The following LSAMP variants were observed in gnomAD, a reference collection of about 807,000 sequenced individuals.
LSAMP encodes limbic system-associated membrane protein.
A neutral mutation model predicts 38.6 loss-of-function variants in LSAMP; 7 were observed. The observed-to-expected ratio is 0.18, with a 90% confidence interval of 0.10 to 0.34. LSAMP has a LOEUF of 0.34. Among genes scored for constraint, LSAMP ranks in the 10% least tolerant of loss-of-function variants. The pLI is 1.00. For missense variants in LSAMP, 313 were observed against 420.0 expected (o/e 0.75, Z 2.23); for synonymous variants, 154 against 166.8 (o/e 0.92, Z 0.59).
chr3:115,914,987 G>A (rs1258907655), intron 3 of LSAMP, among the ~76,000 whole-genome samples: 1 of 152,222 alleles, frequency 6.6e-6, no homozygotes, highest in Admixed American at 6.5e-5. Context: ...GCAAGGTGGG[G>A]AGGGGTGTGT....
intron 1 of LSAMP, among the ~76,000 whole-genome samples, chr3:116,224,333 C>T (rs950892479): frequency 6.6e-6 from 1 of 152,236 alleles, no homozygotes; most frequent in African/African-American, 2.4e-5. Flanking sequence ...TTGCATAACA[C>T]ATCCAAGAAA....
intron 1 of LSAMP, among the ~76,000 whole-genome samples, chr3:116,375,569 G>A (rs893566794): frequency 6.6e-6 from 1 of 151,590 alleles, no homozygotes. Context: ...AAATGTCATA[G>A]TATACATAAA....
rs553640553 is a variant in LSAMP at position 116,375,723 on chromosome 3, C to T, written c.155+69154G>A. 7.0e-3 allele frequency among the ~76,000 whole-genome samples: 1,062 copies of T among 151,836 alleles called. 9 individuals carry two copies. The highest frequency in any genetic ancestry group is 0.012 in the Non-Finnish European group (813 of 67,850). ...TACAGTTGAGGATCATAAAAATCATCCTGAAATTAAATGTTGAAAAGAAAC... is the reference window on the plus strand; with the variant it reads ...TACAGTTGAGGATCATAAAAATCATTCTGAAATTAAATGTTGAAAAGAAAC... On this transcript the variant is annotated intron_variant, in intron 1 of 6. Coordinates refer to ENST00000490035, the MANE Select transcript of LSAMP (RefSeq NM_002338.5).
intron 1 of LSAMP, among the ~76,000 whole-genome samples, chr3:116,398,787 GATGA>G (rs2048803418): frequency 6.6e-6 from 1 of 152,200 alleles, no homozygotes; most frequent in Non-Finnish European, 1.5e-5. Flanking sequence ...AGATGCTAAA[GATGA>G]ATAAGACTTC....
intron 1 of LSAMP, among the ~76,000 whole-genome samples, chr3:116,430,903 C>G (rs2049271704): frequency 6.6e-6 from 1 of 151,812 alleles, no homozygotes; most frequent in South Asian, 2.1e-4. Flanking sequence ...TATAAACTAC[C>G]ATATTTTTTC....
intron 1 of LSAMP, among the ~76,000 whole-genome samples, chr3:116,263,199 T>A (rs1354718113): frequency 6.6e-6 from 1 of 152,138 alleles, no homozygotes; most frequent in African/African-American, 2.4e-5. Context: ...GTGATCATAA[T>A]GAACTATGTC....
At chr3:116,278,291 T>C in intron 1 of LSAMP, among the ~76,000 whole-genome samples, 1 of 152,184 alleles carries the variant, frequency 6.6e-6, no homozygotes, top group East Asian at 1.9e-4. Context: ...ATTATTCCAT[T>C]CAATAATTCG....
At chr3:116,174,888 T>C (rs945821349) in intron 1 of LSAMP, among the ~76,000 whole-genome samples, 3 of 152,190 alleles carry the variant, frequency 2.0e-5, no homozygotes, top group Non-Finnish European at 2.9e-5. Context: ...CCTGGCTATA[T>C]GTGTGACCCT....
intron 1 of LSAMP, among the ~76,000 whole-genome samples, chr3:116,114,949 T>C (rs1167513192): frequency 2.6e-5 from 4 of 152,362 alleles, no homozygotes; most frequent in Non-Finnish European, 5.9e-5. Context: ...TCTTAGAATC[T>C]AGAATAATTT....
chr3:115,859,134 A>T (rs1028716985), intron 3 of LSAMP, among the ~76,000 whole-genome samples: 1 of 152,164 alleles, frequency 6.6e-6, no homozygotes, highest in Non-Finnish European at 1.5e-5. Context: ...TCCGCTTCAC[A>T]TTCCACCTGA....
intron 1 of LSAMP, among the ~76,000 whole-genome samples, chr3:116,410,646 T>C (rs989125675): frequency 1.3e-5 from 2 of 152,100 alleles, no homozygotes; most frequent in Non-Finnish European, 2.9e-5. Flanking sequence ...ACACAATGGT[T>C]GTCCTTTGGT....
chr3:116,444,350 GTGTGTGTGTGTGTGTA>G (rs1336105689), intron 1 of LSAMP, among the ~76,000 whole-genome samples: 2 of 140,824 alleles, frequency 1.4e-5, no homozygotes, highest in South Asian at 4.7e-4. Flanking sequence ...ACCTTGATAT[GTGTGTGTGTGTGTGTA>G]TGTGTGTGTG....
intron 3 of LSAMP, among the ~76,000 whole-genome samples, chr3:115,955,230 G>T (rs545781370): frequency 1.3e-5 from 2 of 152,064 alleles, no homozygotes; most frequent in African/African-American, 4.8e-5. Context: ...CACCGCGCCT[G>T]GCCATGTTTT....
intron 4 of LSAMP, among the ~76,000 whole-genome samples, chr3:115,846,676 C>G (rs1935170663): frequency 6.6e-6 from 1 of 152,128 alleles, no homozygotes; most frequent in Non-Finnish European, 1.5e-5. Flanking sequence ...TTATCATGCT[C>G]TGAAACTCAT....
chr3:115,827,337 T>A (rs1410153019), intron 6 of LSAMP, among the ~76,000 whole-genome samples: 1 of 23,414 alleles, frequency 4.3e-5, no homozygotes. Context: ...TTTCTACTGC[T>A]TTTTTTTTTT....
At chr3:116,038,326 A>G (rs923959804) in intron 2 of LSAMP, among the ~76,000 whole-genome samples, 2 of 152,168 alleles carry the variant, frequency 1.3e-5, no homozygotes, top group Admixed American at 6.5e-5. Flanking sequence ...TGAAGACGCC[A>G]GTGCCACCTG....
intron 1 of LSAMP, among the ~76,000 whole-genome samples, chr3:116,354,505 T>A (rs1325526398): frequency 6.6e-6 from 1 of 152,186 alleles, no homozygotes; most frequent in Admixed American, 6.5e-5. Context: ...CCAGTGGCTT[T>A]CCCTTGGCAA....
intron 1 of LSAMP, among the ~76,000 whole-genome samples, chr3:116,324,588 C>A (rs1392890855): frequency 6.6e-6 from 1 of 152,158 alleles, no homozygotes; most frequent in African/African-American, 2.4e-5. Flanking sequence ...TTCTTACACA[C>A]CTGAATCACA....
At chr3:115,873,398 T>C (rs1362040656) in intron 3 of LSAMP, among the ~76,000 whole-genome samples, 3 of 149,620 alleles carry the variant, frequency 2.0e-5, no homozygotes, top group Non-Finnish European at 4.4e-5. Context: ...AAAAAAAGTC[T>C]ATGCTTTTTT....
Sources: gnomAD v4.1 joint callset for allele counts (sites outside exome capture counted in the v4.1 genomes callset) on GRCh38, gnomAD v4.1.1 for gene constraint, MANE v1.5 for transcripts, NCBI Gene and HGNC (gene_info 2026-07-23, HGNC 2026-07-21) for gene names.